Variants in UTS2 observed in about 807,000 individuals in gnomAD.
The protein encoded by UTS2 is urotensin 2.
In UTS2, 10 loss-of-function variants were observed where a neutral mutation model predicts 12.6. The ratio of observed to expected loss-of-function variants is 0.80; its 90% CI spans 0.49 to 1.35. UTS2 has a LOEUF of 1.35. UTS2 is among the 40% of genes most tolerant of loss of function. The pLI is 0.00. For missense variants in UTS2, 142 were observed against 143.2 expected (o/e 0.99, Z 0.04); for synonymous variants, 52 against 50.0 (o/e 1.04, Z -0.17).
the UTS2 span, among the ~76,000 whole-genome samples, chr1:7,876,223 C>T: frequency 1.3e-5 from 2 of 152,330 alleles, no homozygotes; most frequent in Admixed American, 1.3e-4. Context: ...GGGGATCAAC[C>T]TGCCTACCTG....
the UTS2 span, among the ~76,000 whole-genome samples, chr1:7,868,801 T>C: frequency 6.6e-6 from 1 of 152,144 alleles, no homozygotes; most frequent in Non-Finnish European, 1.5e-5. Flanking sequence ...AGTGAGATGG[T>C]ATTTGCAGGT....
upstream of UTS2, among the ~76,000 whole-genome samples, chr1:7,854,331 G>C (rs770453668): frequency 7.1e-6 from 1 of 141,186 alleles, no homozygotes; most frequent in Non-Finnish European, 1.5e-5. Flanking sequence ...GTGACAGAGC[G>C]AGACTCTGTC....
At chr1:7,879,452 T>A in the UTS2 span, among the ~76,000 whole-genome samples, 1 of 152,026 alleles carries the variant, frequency 6.6e-6, no homozygotes, top group African/African-American at 2.4e-5. Context: ...TAATAAGTCT[T>A]GAAACAAGTC....
intron 3 of UTS2, among the ~76,000 whole-genome samples, chr1:7,848,457 T>C (rs554920309): frequency 3.3e-5 from 5 of 152,064 alleles, no homozygotes; most frequent in Admixed American, 1.3e-4. Context: ...AATAAATAAA[T>C]AGTAACATGT....
chr1:7,847,703 T>C lies in UTS2; in HGVS notation c.*63A>G. 1 of 1,272,266 alleles carries C rather than the reference T, an allele frequency of 7.9e-7. No homozygotes were observed. The highest frequency in any genetic ancestry group is 1.9e-5 in the Admixed American group (1 of 52,394). 78.8% of individuals were successfully genotyped at this position (1,272,266 alleles called of 1,614,324 possible). A position where few individuals can be genotyped will look rare whatever the true frequency, so the allele number is the denominator to read the frequency against. On this transcript the variant is annotated 3_prime_UTR_variant, in exon 4 of 4. Coordinates refer to ENST00000361696, the MANE Select transcript of UTS2 (RefSeq NM_006786.4). Reference sequence around the variant, plus strand: ...TCCACACTGTTTTCAAATCAAGCATTGTGTTATTTTTCATATTCTAAGATG... The same window carrying C: ...TCCACACTGTTTTCAAATCAAGCATCGTGTTATTTTTCATATTCTAAGATG...
At chr1:7,906,513 A>G in the UTS2 span, among the ~76,000 whole-genome samples, 1 of 124,634 alleles carries the variant, frequency 8.0e-6, no homozygotes, top group Non-Finnish European at 1.7e-5. Flanking sequence ...GAAAGAAAAG[A>G]GGGAGGGAGG....
At chr1:7,874,870 G>A in the UTS2 span, among the ~76,000 whole-genome samples, 1 of 152,064 alleles carries the variant, frequency 6.6e-6, no homozygotes, top group African/African-American at 2.4e-5. Flanking sequence ...GGTTTTATAA[G>A]TGTTTGATAG....
chr1:7,850,930 G>GT lies in UTS2; in HGVS notation c.104-9dup. On this transcript the variant is annotated splice_polypyrimidine_tract_variant and intron_variant, in intron 1 of 3. Transcript: ENST00000361696. ...GCGCGTCTTCATGAGGTGCTACAGA[G>GT]TAAAAACAGATACTTAGAATTGGGT... 6.2e-7 allele frequency: 1 copy of GT among 1,613,770 alleles called. No homozygotes were observed. The highest frequency in any genetic ancestry group is 8.5e-7 in the Non-Finnish European group (1 of 1,179,814).
the UTS2 span, among the ~76,000 whole-genome samples, chr1:7,902,334 G>A: frequency 1.3e-5 from 2 of 152,180 alleles, no homozygotes; most frequent in East Asian, 3.8e-4. Flanking sequence ...CCTCAACAGG[G>A]AAGGGGTGAT....
At chr1:7,902,963 G>T in the UTS2 span, among the ~76,000 whole-genome samples, 10 of 151,730 alleles carry the variant, frequency 6.6e-5, no homozygotes, top group African/African-American at 1.2e-4. Flanking sequence ...AGCGTTTTTT[G>T]TTCTCCAGTT....
the UTS2 span, among the ~76,000 whole-genome samples, chr1:7,880,117 G>T: frequency 6.6e-6 from 1 of 151,888 alleles, no homozygotes; most frequent in Non-Finnish European, 1.5e-5. Flanking sequence ...AAATAGGCAG[G>T]CATGGTGGCA....
the UTS2 span, among the ~76,000 whole-genome samples, chr1:7,889,634 A>ATC: frequency 6.6e-6 from 1 of 151,512 alleles, no homozygotes; most frequent in East Asian, 1.9e-4. Context: ...GCAAAACCCA[A>ATC]TCTCTACTAA....
At chr1:7,871,032 T>C in the UTS2 span, among the ~76,000 whole-genome samples, 3 of 152,220 alleles carry the variant, frequency 2.0e-5, no homozygotes, top group South Asian at 6.2e-4. Context: ...AATTCTCACC[T>C]AAAAGGCTAA....
At chr1:7,863,963 CG>C in the UTS2 span, among the ~76,000 whole-genome samples, 3 of 151,988 alleles carry the variant, frequency 2.0e-5, no homozygotes, top group African/African-American at 7.2e-5. Flanking sequence ...CCTCATCCCC[CG>C]GGGGGGTCTG....
At chr1:7,879,997 C>G in the UTS2 span, among the ~76,000 whole-genome samples, 3 of 152,134 alleles carry the variant, frequency 2.0e-5, no homozygotes, top group African/African-American at 7.2e-5. Context: ...TGGCTAACAC[C>G]TGTAATCCCA....
At chr1:7,867,674 G>T in the UTS2 span, among the ~76,000 whole-genome samples, 1 of 152,252 alleles carries the variant, frequency 6.6e-6, no homozygotes, top group Admixed American at 6.5e-5. Context: ...TCAGGAGTTC[G>T]AGACCAGCCT....
the UTS2 span, among the ~76,000 whole-genome samples, chr1:7,868,546 C>G: frequency 1.3e-5 from 2 of 152,150 alleles, no homozygotes; most frequent in Middle Eastern, 3.2e-3. Flanking sequence ...CCAGCCAGCC[C>G]AGCAGACACA....
chr1:7,889,788 C>T, the UTS2 span, among the ~76,000 whole-genome samples: 13 of 151,996 alleles, frequency 8.6e-5, no homozygotes, highest in African/African-American at 2.7e-4. Flanking sequence ...GCCATTTGGC[C>T]GGGCGCAGTG....
At chr1:7,906,309 G>C in the UTS2 span, among the ~76,000 whole-genome samples, 1 of 134,724 alleles carries the variant, frequency 7.4e-6, no homozygotes, top group Non-Finnish European at 1.6e-5. Flanking sequence ...TTTGAATCAA[G>C]GCACACACCT....
Sources: gnomAD v4.1 joint callset for allele counts (sites outside exome capture counted in the v4.1 genomes callset) on GRCh38, gnomAD v4.1.1 for gene constraint, MANE v1.5 for transcripts, NCBI Gene and HGNC (gene_info 2026-07-23, HGNC 2026-07-21) for gene names.